The following IDO2 variants were observed in gnomAD, a reference collection of about 807,000 sequenced individuals.
The protein encoded by IDO2 is indoleamine 2,3-dioxygenase-like 1 protein.
In IDO2, 46 loss-of-function variants were observed where a neutral mutation model predicts 45.1. The ratio of observed to expected loss-of-function variants is 1.02; its 90% confidence interval spans 0.80 to 1.30. The LOEUF is 1.30. Among genes scored for constraint, IDO2 ranks in the 50% most tolerant of loss-of-function variants. The pLI is 0.00. For missense variants in IDO2, 544 were observed against 491.8 expected (o/e 1.11, Z -1.00); for synonymous variants, 218 against 184.9 (o/e 1.18, Z -1.45).
intron 3 of IDO2, among the ~76,000 whole-genome samples, chr8:39,973,270 C>A (rs960585796): frequency 6.6e-6 from 1 of 152,160 alleles, no homozygotes; most frequent in African/African-American, 2.4e-5. Flanking sequence ...ATACTACTTA[C>A]ATATGCCTAT....
chr8:39,983,687 A>G (rs1019413674), intron 5 of IDO2, among the ~76,000 whole-genome samples: 1 of 152,076 alleles, frequency 6.6e-6, no homozygotes, highest in Non-Finnish European at 1.5e-5. Context: ...AACATGGTGA[A>G]ACCCCGTCTC....
chr8:40,013,468 C>A, intron 9 of IDO2, 97 bp from the exon 10 acceptor site: 2 of 1,207,336 alleles, frequency 1.7e-6, no homozygotes, highest in Non-Finnish European at 2.4e-6. Flanking sequence ...CCATTGAAAT[C>A]ATGTTCCCTT....
At chr8:39,962,894 T>A (rs1408093446) in intron 2 of IDO2, among the ~76,000 whole-genome samples, 1 of 152,122 alleles carries the variant, frequency 6.6e-6, no homozygotes, top group Non-Finnish European at 1.5e-5. Context: ...AAAGGCAACA[T>A]TTGATTGGTT....
intron 4 of IDO2, among the ~76,000 whole-genome samples, chr8:39,979,845 G>T (rs572895604): frequency 1.3e-5 from 2 of 151,858 alleles, no homozygotes; most frequent in Admixed American, 6.6e-5. Flanking sequence ...TTTAAAACAG[G>T]GTTGCACCAT....
chr8:39,974,115 C>T (rs1808223709), intron 3 of IDO2, among the ~76,000 whole-genome samples: 1 of 152,088 alleles, frequency 6.6e-6, no homozygotes, highest in Admixed American at 6.6e-5. Context: ...CAGTTAACAG[C>T]AAAGTAAGAT....
chr8:39,950,107 T>C (rs1291208334), intron 2 of IDO2, among the ~76,000 whole-genome samples: 1 of 152,248 alleles, frequency 6.6e-6, no homozygotes, highest in East Asian at 1.9e-4. Flanking sequence ...CCAGAGGAAA[T>C]GACTTGCTGA....
chr8:39,952,009 G>A (rs1258596464), intron 2 of IDO2, among the ~76,000 whole-genome samples: 5 of 152,136 alleles, frequency 3.3e-5, no homozygotes, highest in African/African-American at 9.7e-5. Context: ...TTGGGAAAGT[G>A]GTTTTACTGT....
At chr8:39,943,983 C>T (rs181283606) in intron 1 of IDO2, among the ~76,000 whole-genome samples, 101 of 152,108 alleles carry the variant, frequency 6.6e-4, no homozygotes, top group Non-Finnish European at 5.4e-4. Context: ...GCCAGGCGTT[C>T]AAGAATGGCT....
chr8:39,973,603 G>A (rs1585406448), intron 3 of IDO2, among the ~76,000 whole-genome samples: 1 of 152,210 alleles, frequency 6.6e-6, no homozygotes, highest in South Asian at 2.1e-4. Context: ...ATTGTGCATT[G>A]TGTGTAGGTA....
chr8:39,962,357 A>G (rs1030847837), intron 2 of IDO2, among the ~76,000 whole-genome samples: 2 of 152,316 alleles, frequency 1.3e-5, no homozygotes, highest in East Asian at 3.9e-4. Flanking sequence ...AATATTTTAA[A>G]GGCTTCCTTA....
chr8:39,961,456 G>T (rs907872387), intron 2 of IDO2, among the ~76,000 whole-genome samples: 1 of 151,278 alleles, frequency 6.6e-6, no homozygotes, highest in South Asian at 2.1e-4. Context: ...CCGAGTAGCT[G>T]GGATTACAGG....
intron 3 of IDO2, among the ~76,000 whole-genome samples, chr8:39,969,466 C>T (rs1220463998): frequency 6.6e-6 from 1 of 152,180 alleles, no homozygotes; most frequent in Non-Finnish European, 1.5e-5. Flanking sequence ...TCTCCCCCTC[C>T]TCAGGCCTCC....
At chr8:39,981,355 C>T (rs540282376) in intron 4 of IDO2, among the ~76,000 whole-genome samples, 60 of 152,244 alleles carry the variant, frequency 3.9e-4, no homozygotes, top group Middle Eastern at 6.8e-3. Context: ...CCACCGTGCC[C>T]GGCGTGCATT....
intron 6 of IDO2, chr8:39,985,940 C>T (rs1808415318): frequency 6.4e-6 from 1 of 155,906 alleles, no homozygotes; most frequent in Non-Finnish European, 1.4e-5. Context: ...AGGGATTCTC[C>T]TGCCTCAGCC....
chr8:39,997,399 T>G (rs979599899), intron 8 of IDO2, among the ~76,000 whole-genome samples: 1 of 151,666 alleles, frequency 6.6e-6, no homozygotes, highest in Non-Finnish European at 1.5e-5. Context: ...CATTGCCAGA[T>G]GCGGTGGCTC....
chr8:39,994,562 A>G (rs1012720454), intron 8 of IDO2, among the ~76,000 whole-genome samples: 1 of 152,040 alleles, frequency 6.6e-6, no homozygotes, highest in Non-Finnish European at 1.5e-5. Context: ...TGGACTGATT[A>G]TTTTTTAAAT....
At chr8:39,947,478 T>C (rs955968733) in intron 1 of IDO2, among the ~76,000 whole-genome samples, 2 of 152,218 alleles carry the variant, frequency 1.3e-5, no homozygotes, top group African/African-American at 4.8e-5. Context: ...TTCCTCTTCC[T>C]TATTTAAAAG....
chr8:39,973,812 G>T (rs1030772188), intron 3 of IDO2, among the ~76,000 whole-genome samples: 8 of 151,380 alleles, frequency 5.3e-5, no homozygotes, highest in African/African-American at 1.9e-4. Context: ...CACAATCTCG[G>T]CTCACTGCAA....
chr8:39,935,341 GT>G, intron 1 of IDO2, 123 bp downstream of exon 1: 1 of 852,786 alleles, frequency 1.2e-6, no homozygotes, highest in Non-Finnish European at 1.9e-6. Flanking sequence ...TCCTAATTAT[GT>G]TTCCCTAGAA....
Sources: gnomAD v4.1 joint callset for allele counts (sites outside exome capture counted in the v4.1 genomes callset) on GRCh38, gnomAD v4.1.1 for gene constraint, MANE v1.5 for transcripts, NCBI Gene and HGNC (gene_info 2026-07-23, HGNC 2026-07-21) for gene names.